The following CYTH4 variants were observed in gnomAD, a reference collection of about 807,000 sequenced individuals.
CYTH4 encodes the protein cytohesin-4.
Under a neutral mutation model 57.5 loss-of-function variants are expected in CYTH4, and 22 were observed. The ratio of observed to expected loss-of-function variants is 0.38; its 90% CI spans 0.27 to 0.55. The LOEUF (loss-of-function observed/expected upper bound fraction) is 0.55. CYTH4 is among the 20% of genes least tolerant of loss of function. CYTH4 has a pLI of 0.74. For synonymous variants in CYTH4, 186 were observed against 206.5 expected, an observed-to-expected ratio of 0.90 and a Z score of 0.85; for missense variants, 420 against 535.6, an observed-to-expected ratio of 0.78 and a Z score of 2.13.
chr22:37,299,598 T>G (rs1929109465), intron 6 of CYTH4, among the ~76,000 whole-genome samples: 1 of 152,236 alleles, frequency 6.6e-6, no homozygotes, highest in South Asian at 2.1e-4. Context: ...ATTCTCCTAC[T>G]TTTTGGATTA....
In CYTH4 at chr22:37,313,572, G is replaced by A. The variant is rs1929731541; in HGVS notation, c.*61G>A. 1 of 1,495,058 alleles carries A rather than the reference G, an allele frequency of 6.7e-7. No individual in the cohort carries two copies. The allele number at this position is 1,495,058 out of a possible 1,614,324, so 92.6% of individuals were successfully genotyped here. Reference sequence around the variant, plus strand: ...GAGAGTCCCATCGCCTGCAGCACCTGGAGACCCACCTCCCACCCCAGTGCA... The same window carrying A: ...GAGAGTCCCATCGCCTGCAGCACCTAGAGACCCACCTCCCACCCCAGTGCA... On this transcript the variant is annotated 3_prime_UTR_variant, in exon 13 of 13. Transcript: ENST00000248901.
Position 37,313,497 on chromosome 22 carries a change from G to A in CYTH4, c.1171G>A (p.Ala391Thr). 1 of 1,614,180 alleles carries A rather than the reference G, an allele frequency of 6.2e-7. No individual in the cohort carries two copies. Reference protein sequence around the residue: ...DLVSTRKKKIASKQ With the variant: ...DLVSTRKKKITSKQ ...GGTCTCTACTCGGAAGAAGAAGATT[G>A]CCAGCAAGCAGTGAGATTCCTGGAG... The change falls in exon 13 of 13, where the codon GCC (alanine) becomes ACC (threonine). Residue 391 changes from alanine (A) to threonine (T), a missense_variant. Coordinates refer to ENST00000248901, the MANE Select transcript of CYTH4 (RefSeq NM_013385.5).
chr22:37,305,407 C>T (rs960751888), intron 8 of CYTH4, among the ~76,000 whole-genome samples: 20 of 152,236 alleles, frequency 1.3e-4, no homozygotes, highest in African/African-American at 4.1e-4. Flanking sequence ...AAGAACAGAG[C>T]GCTGGACTCA....
At chr22:37,293,710 G>T (rs1371407976) in intron 2 of CYTH4, among the ~76,000 whole-genome samples, 3 of 152,156 alleles carry the variant, frequency 2.0e-5, no homozygotes, top group African/African-American at 4.8e-5. Flanking sequence ...GCCTAATGGG[G>T]GTGCCGGCCA....
At chr22:37,310,225 T>A (rs1457124138) in intron 9 of CYTH4, among the ~76,000 whole-genome samples, 1 of 152,118 alleles carries the variant, frequency 6.6e-6, no homozygotes, top group Non-Finnish European at 1.5e-5. Flanking sequence ...CCGCCTGTCC[T>A]GCCCCAGCCA....
At chr22:37,290,433 C>T (rs1301821639) in intron 1 of CYTH4, among the ~76,000 whole-genome samples, 1 of 152,194 alleles carries the variant, frequency 6.6e-6, no homozygotes, top group Non-Finnish European at 1.5e-5. Context: ...CTCCTTCAGT[C>T]CCGACGTTCT....
At chr22:37,303,500 G>A (rs1377399973) in intron 8 of CYTH4, 98 bp downstream of exon 8, 4 of 1,445,942 alleles carry the variant, frequency 2.8e-6, no homozygotes, top group South Asian at 2.8e-5. Context: ...GAGATAGACA[G>A]CCCCCAGTGG....
intron 8 of CYTH4, among the ~76,000 whole-genome samples, chr22:37,308,933 G>T (rs1456645833): frequency 1.3e-5 from 2 of 152,122 alleles, no homozygotes; most frequent in Non-Finnish European, 2.9e-5. Context: ...TGTTTGAGGG[G>T]CTGACCCCTG....
chr22:37,302,128 T>C (rs1009714608), intron 7 of CYTH4: 1 of 168,426 alleles, frequency 5.9e-6, no homozygotes, highest in African/African-American at 2.4e-5. Flanking sequence ...GCTGTGTCCA[T>C]GGACAAACCT....
intron 6 of CYTH4, 48 bp downstream of exon 6, chr22:37,299,354 C>G: frequency 1.3e-6 from 2 of 1,543,988 alleles, no homozygotes; most frequent in Non-Finnish European, 1.8e-6. Flanking sequence ...TGGCACAGCC[C>G]CAGTGGCTGG....
intron 1 of CYTH4, among the ~76,000 whole-genome samples, chr22:37,288,751 C>T (rs1037081529): frequency 1.9e-4 from 29 of 152,212 alleles, no homozygotes; most frequent in African/African-American, 6.5e-4. Flanking sequence ...GAGGATGGCG[C>T]CCCATCCAAG....
At chr22:37,291,201 T>C (rs1179246669) in intron 1 of CYTH4, among the ~76,000 whole-genome samples, 1 of 151,854 alleles carries the variant, frequency 6.6e-6, no homozygotes, top group African/African-American at 2.4e-5. Flanking sequence ...AACTGATTTA[T>C]TTCTTATTGA....
chr22:37,304,177 A>G, intron 8 of CYTH4: 1 of 456,726 alleles, frequency 2.2e-6, no homozygotes, highest in Non-Finnish European at 4.4e-6. Flanking sequence ...TGAAGGTTAC[A>G]TGGGAGTGCT....
Position 37,314,881 on chromosome 22 carries a change from C to T in CYTH4, c.*1370C>T, listed in dbSNP as rs1929801087. The T allele has an allele frequency of 6.5e-6, 1 of 154,724 alleles. No homozygotes were observed. Among genetic ancestry groups the T allele is most frequent in the Non-Finnish European group, 1.4e-5 (1 of 69,812 alleles). The allele number at this position is 154,724 out of a possible 1,614,324, so 9.6% of individuals were successfully genotyped here. On this transcript the variant is annotated 3_prime_UTR_variant, in exon 13 of 13. Coordinates refer to ENST00000248901, the MANE Select transcript of CYTH4 (RefSeq NM_013385.5). ...GAACCGCAGCTCGCGAGGCACCTCT[C>T]CTCGTCCCCACCCACCCCCACATTT...
Position 37,311,993 on chromosome 22 carries a change from C to G in CYTH4, c.958-27C>G. 6.2e-7 allele frequency: 1 copy of G among 1,605,244 alleles called. No individual in the cohort carries two copies. Among genetic ancestry groups the G allele is most frequent in the Non-Finnish European group, 8.5e-7 (1 of 1,173,642 alleles). Reference sequence around the variant, plus strand: ...GGCCCACCCAGCCTCCCTCTCTTCCCACCCTTGCCTGGCCACCTCCCCACA... The same window carrying G: ...GGCCCACCCAGCCTCCCTCTCTTCCGACCCTTGCCTGGCCACCTCCCCACA... On this transcript the variant is annotated intron_variant, in intron 11 of 12. Transcript: ENST00000248901. This position sits in a 1 kb window ranked among gnomAD's most constrained non-coding sequence, Gnocchi z 4.4.
rs780010254 is a variant in CYTH4, at chr22:37,294,738, G to C, written c.167+14G>C. 1.9e-6 allele frequency: 3 copies of C among 1,613,714 alleles called. No homozygotes were observed. In the Admixed American group the frequency reaches 5.0e-5, roughly 27 times the overall value. On this transcript the variant is annotated intron_variant, in intron 3 of 12. Coordinates refer to ENST00000248901, the MANE Select transcript of CYTH4 (RefSeq NM_013385.5). ...TGCGGAGGAGAGGTGAGGGGCTTGG[G>C]TGGGGACCCCCAGAAACTGCCATGG...
At chr22:37,286,707 TC>T (rs1928573939) in intron 1 of CYTH4, among the ~76,000 whole-genome samples, 1 of 151,808 alleles carries the variant, frequency 6.6e-6, no homozygotes, top group Non-Finnish European at 1.5e-5. Flanking sequence ...AGGCTAGAGC[TC>T]AGGGGAGTGA....
intron 6 of CYTH4, 132 bp from the exon 7 acceptor site, chr22:37,300,775 C>T (rs1007072076): frequency 4.2e-6 from 3 of 715,788 alleles, no homozygotes; most frequent in African/African-American, 1.8e-5. Flanking sequence ...ACTTCCCCGT[C>T]AGCCCAGATG....
rs189872537 is a variant in CYTH4, at chr22:37,291,040, T to A, written c.20-1581T>A. Among the ~76,000 whole-genome samples, 7 of 152,308 alleles carry A rather than the reference T, an allele frequency of 4.6e-5. No individual in the cohort carries two copies. In the East Asian group the frequency reaches 1.3e-3, roughly 29 times the overall value. On this transcript the variant is annotated intron_variant, in intron 1 of 12. Coordinates refer to ENST00000248901, the MANE Select transcript of CYTH4 (RefSeq NM_013385.5). ...GCATATGTTGGATTCTTGCTGGGTGTTTGACAAAGTGTAGCTCTTTCCTTC... is the reference window on the plus strand; with the variant it reads ...GCATATGTTGGATTCTTGCTGGGTGATTGACAAAGTGTAGCTCTTTCCTTC...
Sources: gnomAD v4.1 joint callset for allele counts (sites outside exome capture counted in the v4.1 genomes callset) on GRCh38, gnomAD v4.1.1 for gene constraint, Gnocchi (gnomAD v3.1) non-coding constraint, MANE v1.5 for transcripts, NCBI Gene and HGNC (gene_info 2026-07-23, HGNC 2026-07-21) for gene names.